HEBP1: variants seen among roughly 807,000 people sequenced by gnomAD.
The protein encoded by HEBP1 is heme-binding protein 1.
HEBP1 carries 13 observed loss-of-function variants against 20.4 expected under a neutral mutation model. The ratio of observed to expected loss-of-function variants is 0.64; its 90% CI spans 0.42 to 1.01. The LOEUF (loss-of-function observed/expected upper bound fraction) is 1.01, where lower values mean the gene tolerates loss of function less well. Among genes scored for constraint, HEBP1 ranks in the 50% least tolerant of loss-of-function variants. HEBP1 has a pLI of 0.00. For synonymous variants in HEBP1, 92 were observed against 90.7 expected, an observed-to-expected ratio of 1.01 and a Z score of -0.08; for missense variants, 241 against 247.3, an observed-to-expected ratio of 0.97 and a Z score of 0.17.
At chr12:12,976,077 C>CAAAAAAAAAAAAA (rs56110606) in intron 3 of HEBP1, among the ~76,000 whole-genome samples, 1 of 85,904 alleles carries the variant, frequency 1.2e-5, no homozygotes, top group Non-Finnish European at 2.1e-5. Context: ...GACCCTGTGT[C>CAAAAAAAAAAAAA]AAAAAAAAAA....
intron 3 of HEBP1, among the ~76,000 whole-genome samples, chr12:12,976,188 C>T (rs1389905551): frequency 3.3e-5 from 5 of 151,844 alleles, no homozygotes; most frequent in Non-Finnish European, 7.4e-5. Context: ...CCCACACAAG[C>T]TTTAAACATG....
intron 1 of HEBP1, 103 bp from the exon 2 acceptor site, chr12:12,989,518 G>A: frequency 9.2e-7 from 1 of 1,086,954 alleles, no homozygotes; most frequent in Non-Finnish European, 1.4e-6. Flanking sequence ...TGGTGGGTAT[G>A]GCCATAGAGC....
rs1380779115 is a variant in HEBP1, at chr12:12,996,634, T to C, written c.78+3403A>G. 8.1e-6 allele frequency among the ~76,000 whole-genome samples: 1 copy of C among 123,426 alleles called. No individual in the cohort carries two copies. Among genetic ancestry groups the C allele is most frequent in the Non-Finnish European group, 1.8e-5 (1 of 55,856 alleles). The allele number at this position is 123,426 out of a possible 152,430, so 81.0% of individuals were successfully genotyped here. A position where few individuals can be genotyped will look rare whatever the true frequency, so the allele number is the denominator to read the frequency against. On this transcript the variant is annotated intron_variant, in intron 1 of 3. Coordinates refer to ENST00000014930, the MANE Select transcript of HEBP1 (RefSeq NM_015987.5). The surrounding 1 kb of genome is among the most constrained non-coding windows in gnomAD (Gnocchi z 4.1). ...AGAGGTTCTCTTCAAAAATAATACC[T>C]TTATGTTTGTATATTTAAAAAAAAA...
chr12:12,983,677 A>G, intron 3 of HEBP1: 1 of 456,116 alleles, frequency 2.2e-6, no homozygotes, highest in East Asian at 6.9e-5. Context: ...ATGCTGTGTG[A>G]GAACTCCGTG....
chr12:13,000,198 C>T lies in HEBP1; in HGVS notation c.-84G>A, dbSNP rs1351978529. 8.7e-6 allele frequency: 3 copies of T among 344,332 alleles called. No individual in the cohort carries two copies. Among genetic ancestry groups the T allele is most frequent in the Non-Finnish European group, 1.5e-5 (3 of 198,196 alleles). The allele number at this position is 344,332 out of a possible 1,614,324, so 21.3% of individuals were successfully genotyped here. A position where few individuals can be genotyped will look rare whatever the true frequency, so the allele number is the denominator to read the frequency against. On this transcript the variant is annotated 5_prime_UTR_variant, in exon 1 of 4. Coordinates refer to ENST00000014930, the MANE Select transcript of HEBP1 (RefSeq NM_015987.5). ...CACCACGGGCAGCGACCACCGGCGGCAGGGCGGCAGGGCGGCAGGGCGGCA... is the reference window on the plus strand; with the variant it reads ...CACCACGGGCAGCGACCACCGGCGGTAGGGCGGCAGGGCGGCAGGGCGGCA...
intron 1 of HEBP1, among the ~76,000 whole-genome samples, chr12:12,999,416 A>G (rs150363120): frequency 3.3e-5 from 5 of 152,344 alleles, no homozygotes; most frequent in Non-Finnish European, 5.9e-5. Context: ...GGTCGATCCG[A>G]TCACCAAGCT....
intron 3 of HEBP1, among the ~76,000 whole-genome samples, chr12:12,982,355 G>A (rs981116964): frequency 6.6e-6 from 1 of 152,190 alleles, no homozygotes; most frequent in Non-Finnish European, 1.5e-5. Context: ...AAAGTGAGGG[G>A]GCAAAGCAGG....
chr12:12,979,110 T>G (rs1041103854), intron 3 of HEBP1: 4 of 152,106 alleles, frequency 2.6e-5, no homozygotes, highest in African/African-American at 4.8e-5. Context: ...CTTAGAATCC[T>G]AATATCTAAA....
chr12:12,993,311 A>G (rs940069493), intron 1 of HEBP1, among the ~76,000 whole-genome samples: 1 of 151,990 alleles, frequency 6.6e-6, no homozygotes, highest in Non-Finnish European at 1.5e-5. Flanking sequence ...AGTAGCTGGG[A>G]CTACAGGTGT....
chr12:12,982,015 G>T (rs1010768295), intron 3 of HEBP1, among the ~76,000 whole-genome samples: 6 of 152,172 alleles, frequency 3.9e-5, no homozygotes, highest in South Asian at 2.1e-4. Context: ...TAGAGACGGG[G>T]TCTCATTATG....
chr12:13,000,095 T>A lies in HEBP1; in HGVS notation c.20A>T (p.Asn7Ile). The A allele has an allele frequency of 6.2e-6, 10 of 1,611,980 alleles. No homozygotes were observed. The highest frequency in any genetic ancestry group is 6.8e-6 in the Non-Finnish European group (8 of 1,178,992). Reference sequence around the variant, plus strand: ...CGTCTCTACGCTTCCGAACAGCGAGTTCTTGATCATGCCCAACATGTTGTA... The same window carrying A: ...CGTCTCTACGCTTCCGAACAGCGAGATCTTGATCATGCCCAACATGTTGTA... The part of the protein sequence containing the change: MLGMIK[N>I]SLFGSVETWP... Residue 7 changes from asparagine (N) to isoleucine (I), a missense_variant, in exon 1 of 4, where the codon AAC (asparagine) becomes ATC (isoleucine). Asn to Ile is a moderately radical substitution (Grantham distance 149, BLOSUM62 -3). Transcript: ENST00000014930.
At chr12:12,978,199 GTTTTTTTTTTTTTT>G (rs76634642) in intron 3 of HEBP1, among the ~76,000 whole-genome samples, 1 of 75,056 alleles carries the variant, frequency 1.3e-5, no homozygotes, top group South Asian at 7.0e-4. Flanking sequence ...CTACGAAAGG[GTTTTTTTTTTTTTT>G]TTTTTTTTTT....
At chr12:12,993,210 G>T (rs1427126590) in intron 1 of HEBP1, among the ~76,000 whole-genome samples, 1 of 120,314 alleles carries the variant, frequency 8.3e-6, no homozygotes, top group Non-Finnish European at 1.6e-5. Context: ...AGGGTCTCAT[G>T]GTTGCTCAAG....
chr12:12,983,843 T>G (rs1323346705), intron 3 of HEBP1: 1 of 452,666 alleles, frequency 2.2e-6, no homozygotes, highest in African/African-American at 2.0e-5. Context: ...GAGAAATGGC[T>G]AATTCTAGCT....
intron 1 of HEBP1, among the ~76,000 whole-genome samples, chr12:12,997,308 G>A (rs1273474522): frequency 1.3e-5 from 2 of 152,216 alleles, no homozygotes; most frequent in Non-Finnish European, 2.9e-5. Context: ...AGTATTTAGA[G>A]CAGAAGCACT....
chr12:12,998,166 G>C lies in HEBP1; in HGVS notation c.78+1871C>G, dbSNP rs541834061. On this transcript the variant is annotated intron_variant, in intron 1 of 3. Transcript: ENST00000014930. The surrounding 1 kb of genome is among the most constrained non-coding windows in gnomAD (Gnocchi z 4.2). The stretch of plus-strand genomic sequence containing the variant: ...CCTGCTTGCTTTTCTTCACAGCACT[G>C]ATCACTATCTGATCCATGATACATT... 6.6e-6 allele frequency among the ~76,000 whole-genome samples: 1 copy of C among 151,932 alleles called. No individual in the cohort carries two copies. Among genetic ancestry groups the C allele is most frequent in the Non-Finnish European group, 1.5e-5 (1 of 68,010 alleles).
chr12:12,993,158 CCTTCCTTCCT>C (rs1428458537), intron 1 of HEBP1, among the ~76,000 whole-genome samples: 40 of 66,660 alleles, frequency 6.0e-4, no homozygotes, highest in Admixed American at 1.8e-3. Flanking sequence ...TTCCTTCCTT[CCTTCCTTCCT>C]CTCTCTCTCT....
intron 3 of HEBP1, 75 bp from the exon 4 acceptor site, chr12:12,975,554 C>A: frequency 7.6e-7 from 1 of 1,315,686 alleles, no homozygotes; most frequent in South Asian, 1.4e-5. Flanking sequence ...AGAAAAAAGT[C>A]ACTCACCATG....
At chr12:12,977,126 T>A (rs564020461) in intron 3 of HEBP1, among the ~76,000 whole-genome samples, 1 of 152,322 alleles carries the variant, frequency 6.6e-6, no homozygotes, top group South Asian at 2.1e-4. Context: ...AGAGGCAAAA[T>A]GGCTAGTGTG....
Sources: gnomAD v4.1 joint callset for allele counts (sites outside exome capture counted in the v4.1 genomes callset) on GRCh38, gnomAD v4.1.1 for gene constraint, Gnocchi (gnomAD v3.1) non-coding constraint, MANE v1.5 for transcripts, NCBI Gene and HGNC (gene_info 2026-07-23, HGNC 2026-07-21) for gene names.